The following FSTL4 variants were observed in gnomAD, a reference collection of about 807,000 sequenced individuals.
FSTL4 encodes the protein follistatin-related protein 4.
In FSTL4, 28 loss-of-function variants were observed where a neutral mutation model predicts 78.2. The observed-to-expected ratio is 0.36, with a 90% CI of 0.27 to 0.49. The LOEUF (loss-of-function observed/expected upper bound fraction) is 0.49. Among genes scored for constraint, FSTL4 ranks in the 20% least tolerant of loss-of-function variants. The probability of loss-of-function intolerance (pLI) is 0.98; values close to 1 mark genes in which losing one functional copy is unlikely to be tolerated. For synonymous variants in FSTL4, 422 were observed against 440.5 expected, an observed-to-expected ratio of 0.96 and a Z score of 0.53; for missense variants, 922 against 1,084.9, an observed-to-expected ratio of 0.85 and a Z score of 2.11.
chr5:133,204,671 A>AAAAT (rs779875327), intron 14 of FSTL4, among the ~76,000 whole-genome samples: 2 of 152,040 alleles, frequency 1.3e-5, no homozygotes, highest in African/African-American at 2.4e-5. Flanking sequence ...ATCTCTACAA[A>AAAAT]AAATACAAAA....
At chr5:133,286,766 T>C (rs1753139408) in intron 6 of FSTL4, among the ~76,000 whole-genome samples, 1 of 152,210 alleles carries the variant, frequency 6.6e-6, no homozygotes, top group Non-Finnish European at 1.5e-5. Context: ...CAGCCTTCTT[T>C]GCTGCTTTTT....
the FSTL4 span, among the ~76,000 whole-genome samples, chr5:133,667,201 A>G: frequency 6.7e-6 from 1 of 149,528 alleles, no homozygotes; most frequent in Non-Finnish European, 1.5e-5. Flanking sequence ...CCTCTCTCTC[A>G]TAATTCACTT....
At chr5:133,546,008 G>A (rs1289601701) in intron 3 of FSTL4, among the ~76,000 whole-genome samples, 1 of 152,234 alleles carries the variant, frequency 6.6e-6, no homozygotes, top group Non-Finnish European at 1.5e-5. Context: ...GGGCTCTATG[G>A]ACTGTAGAAC....
chr5:133,631,688 C>T, the FSTL4 span, among the ~76,000 whole-genome samples: 1 of 152,172 alleles, frequency 6.6e-6, no homozygotes, highest in Admixed American at 6.5e-5. Flanking sequence ...ACTATAAAGA[C>T]ACATGCACAT....
the FSTL4 span, among the ~76,000 whole-genome samples, chr5:133,740,748 G>A: frequency 6.6e-6 from 1 of 152,122 alleles, no homozygotes; most frequent in Non-Finnish European, 1.5e-5. Flanking sequence ...ATGGACTAAA[G>A]GTGTGTTGGT....
intron 6 of FSTL4, among the ~76,000 whole-genome samples, chr5:133,297,180 C>G (rs571547907): frequency 6.6e-6 from 1 of 152,328 alleles, no homozygotes; most frequent in South Asian, 2.1e-4. Flanking sequence ...ATCCTACGTG[C>G]AGGATCTCAA....
rs189140657 is a variant in FSTL4, at chr5:133,474,799, G to A, written c.161-73813C>T. On this transcript the variant is annotated intron_variant, in intron 3 of 15. Transcript: ENST00000265342. Reference sequence around the variant, plus strand: ...GTCTTAGCAGCTTCCTTTAAACGCAGTAAACAAACAGCAACTGCTTTGCAG... The same window carrying A: ...GTCTTAGCAGCTTCCTTTAAACGCAATAAACAAACAGCAACTGCTTTGCAG... Among the ~76,000 whole-genome samples, 16 of 152,336 alleles carry A rather than the reference G, an allele frequency of 1.1e-4. No homozygotes were observed. The East Asian group carries it at 2.9e-3, about 28-fold the overall frequency.
intron 3 of FSTL4, among the ~76,000 whole-genome samples, chr5:133,565,354 C>A (rs755726130): frequency 2.6e-5 from 4 of 152,178 alleles, no homozygotes; most frequent in African/African-American, 4.8e-5. Context: ...AATTCCCAGA[C>A]CTAAAAATAC....
At chr5:133,403,455 G>C (rs183210837) in intron 3 of FSTL4, among the ~76,000 whole-genome samples, 1 of 152,204 alleles carries the variant, frequency 6.6e-6, no homozygotes, top group Non-Finnish European at 1.5e-5. Context: ...GCCTCAGGAG[G>C]TCCCACAGGT....
intron 3 of FSTL4, among the ~76,000 whole-genome samples, chr5:133,493,707 G>A (rs10051620): frequency 0.012 from 1,900 of 152,220 alleles, 40 homozygotes; most frequent in African/African-American, 0.044. Flanking sequence ...TTGCTCACTC[G>A]TCACTGCCTT....
intron 3 of FSTL4, among the ~76,000 whole-genome samples, chr5:133,547,606 T>C (rs992282915): frequency 1.3e-5 from 2 of 152,200 alleles, no homozygotes; most frequent in Admixed American, 6.5e-5. Flanking sequence ...TTAATTCTTA[T>C]GAATGTGGGA....
intron 8 of FSTL4, among the ~76,000 whole-genome samples, chr5:133,228,920 T>C (rs1479067751): frequency 1.3e-5 from 2 of 152,128 alleles, no homozygotes; most frequent in African/African-American, 2.4e-5. Flanking sequence ...GAGGCACAAA[T>C]AGTACAAAGA....
At chr5:133,316,044 C>T (rs957261000) in intron 5 of FSTL4, among the ~76,000 whole-genome samples, 14 of 152,104 alleles carry the variant, frequency 9.2e-5, no homozygotes, top group Non-Finnish European at 1.5e-4. Context: ...ACAAGCAGTC[C>T]GAGGTTTGGG....
chr5:133,277,075 GCC>G (rs1266309010), intron 6 of FSTL4, among the ~76,000 whole-genome samples: 2 of 152,188 alleles, frequency 1.3e-5, no homozygotes, highest in Non-Finnish European at 2.9e-5. Context: ...ACTTTGGGAG[GCC>G]AAGGCGGGTG....
chr5:133,613,047 A>G (rs941803752), upstream of FSTL4, among the ~76,000 whole-genome samples: 2 of 152,194 alleles, frequency 1.3e-5, no homozygotes, highest in Non-Finnish European at 1.5e-5. Context: ...ATCTTAAGAC[A>G]TTCAGGGCAT....
chr5:133,389,943 A>G (rs1755802743), intron 4 of FSTL4, among the ~76,000 whole-genome samples: 1 of 152,212 alleles, frequency 6.6e-6, no homozygotes, highest in Non-Finnish European at 1.5e-5. Context: ...TTGGAGGAAA[A>G]GTCAGAGAGC....
At chr5:133,399,946 A>C (rs956271281) in intron 4 of FSTL4, among the ~76,000 whole-genome samples, 1 of 152,176 alleles carries the variant, frequency 6.6e-6, no homozygotes, top group Non-Finnish European at 1.5e-5. Flanking sequence ...GGCATGTACT[A>C]TTTACCAGGG....
intron 3 of FSTL4, among the ~76,000 whole-genome samples, chr5:133,526,593 G>C (rs1265140529): frequency 2.0e-5 from 3 of 152,126 alleles, no homozygotes; most frequent in Non-Finnish European, 2.9e-5. Context: ...ACGTGGATTA[G>C]CTTATCACAC....
At chr5:133,454,997 A>G (rs1281317499) in intron 3 of FSTL4, among the ~76,000 whole-genome samples, 2 of 152,114 alleles carry the variant, frequency 1.3e-5, no homozygotes, top group African/African-American at 4.8e-5. Flanking sequence ...TCGGTGCCCC[A>G]CTCCCAGCCC....
Sources: gnomAD v4.1 joint callset for allele counts (sites outside exome capture counted in the v4.1 genomes callset) on GRCh38, gnomAD v4.1.1 for gene constraint, MANE v1.5 for transcripts, NCBI Gene and HGNC (gene_info 2026-07-23, HGNC 2026-07-21) for gene names.